Variants in ZBTB20 observed in about 807,000 individuals in gnomAD.
ZBTB20 encodes the protein zinc finger and BTB domain-containing protein 20.
ZBTB20 carries 9 observed loss-of-function variants against 56.9 expected under a neutral mutation model. The observed-to-expected ratio is 0.16, with a 90% CI of 0.10 to 0.28. The LOEUF (loss-of-function observed/expected upper bound fraction) is 0.28. Ranked by LOEUF, ZBTB20 falls within the 10% of genes least tolerant of loss-of-function variation. ZBTB20 has a pLI of 1.00. For synonymous variants in ZBTB20, 417 were observed against 420.7 expected (o/e 0.99, Z 0.11); for missense variants, 655 against 1,003.0 (o/e 0.65, Z 4.69).
chr3:114,557,859 T>C (rs2051454065), intron 6 of ZBTB20, among the ~76,000 whole-genome samples: 1 of 152,054 alleles, frequency 6.6e-6, no homozygotes, highest in South Asian at 2.1e-4. Context: ...ATTATTATTT[T>C]TACACATGGC....
chr3:114,525,901 ACTACACAGAATT>A (rs2047165235), intron 6 of ZBTB20, among the ~76,000 whole-genome samples: 1 of 152,156 alleles, frequency 6.6e-6, no homozygotes, highest in South Asian at 2.1e-4. Flanking sequence ...CCCTATGTCC[ACTACACAGAATT>A]CTACACTCTT....
At chr3:114,684,329 C>G (rs1276426071) in intron 6 of ZBTB20, among the ~76,000 whole-genome samples, 1 of 151,982 alleles carries the variant, frequency 6.6e-6, no homozygotes, top group Admixed American at 6.6e-5. Flanking sequence ...CATAATGGGG[C>G]CTATTGAAAA....
intron 6 of ZBTB20, among the ~76,000 whole-genome samples, chr3:114,512,210 T>C (rs896056309): frequency 6.6e-6 from 1 of 152,082 alleles, no homozygotes; most frequent in African/African-American, 2.4e-5. Flanking sequence ...TTAATAAAAA[T>C]TAGTTGCTTT....
intron 2 of ZBTB20, among the ~76,000 whole-genome samples, chr3:115,065,800 T>C (rs2082186786): frequency 6.6e-6 from 1 of 152,142 alleles, no homozygotes; most frequent in South Asian, 2.1e-4. Context: ...TAAATAGCAA[T>C]CCATACATTT....
chr3:114,454,244 A>G (rs1033100089), intron 7 of ZBTB20, among the ~76,000 whole-genome samples: 1 of 148,664 alleles, frequency 6.7e-6, no homozygotes, highest in African/African-American at 2.5e-5. Flanking sequence ...CATAGGAAGC[A>G]GCGTTTTTTT....
intron 5 of ZBTB20, among the ~76,000 whole-genome samples, chr3:114,796,155 A>G (rs780446895): frequency 3.9e-5 from 6 of 151,982 alleles, no homozygotes; most frequent in Non-Finnish European, 8.8e-5. Flanking sequence ...TGGTAAGTAA[A>G]TTTGATAGTT....
intron 2 of ZBTB20, among the ~76,000 whole-genome samples, chr3:115,067,001 T>C (rs770103424): frequency 8.5e-5 from 13 of 152,106 alleles, no homozygotes; most frequent in Non-Finnish European, 1.8e-4. Flanking sequence ...ATGTTGGTAG[T>C]ACATTAAATT....
chr3:114,522,486 T>G (rs1423202755), intron 6 of ZBTB20, among the ~76,000 whole-genome samples: 1 of 152,086 alleles, frequency 6.6e-6, no homozygotes, highest in Non-Finnish European at 1.5e-5. Context: ...AGCAGAGAAG[T>G]GATGTGGTCT....
chr3:114,738,017 T>C (rs1450044206), intron 5 of ZBTB20, among the ~76,000 whole-genome samples: 1 of 152,116 alleles, frequency 6.6e-6, no homozygotes, highest in African/African-American at 2.4e-5. Flanking sequence ...AATGGGTATT[T>C]GAAAAATAAC....
At chr3:114,660,467 A>G (rs528156691) in intron 6 of ZBTB20, among the ~76,000 whole-genome samples, 15 of 152,314 alleles carry the variant, frequency 9.8e-5, no homozygotes, top group East Asian at 3.9e-4. Flanking sequence ...TCTAGCCACA[A>G]TGGAATTTCC....
At chr3:114,487,008 A>G (rs1379896688) in intron 7 of ZBTB20, among the ~76,000 whole-genome samples, 2 of 152,208 alleles carry the variant, frequency 1.3e-5, no homozygotes. Flanking sequence ...TTATCACTGC[A>G]AAGACTTCTT....
chr3:114,855,384 T>A (rs1287267948), intron 4 of ZBTB20, among the ~76,000 whole-genome samples: 2 of 152,212 alleles, frequency 1.3e-5, no homozygotes, highest in Non-Finnish European at 2.9e-5. Flanking sequence ...TAGCACACAG[T>A]CTCTTATTCT....
intron 6 of ZBTB20, among the ~76,000 whole-genome samples, chr3:114,572,909 C>T (rs908208637): frequency 6.6e-6 from 1 of 152,192 alleles, no homozygotes; most frequent in African/African-American, 2.4e-5. Context: ...TAAATTTTAT[C>T]AGTAGTACTT....
intron 7 of ZBTB20, among the ~76,000 whole-genome samples, chr3:114,428,561 G>A (rs1170322607): frequency 1.3e-5 from 2 of 152,160 alleles, no homozygotes; most frequent in Non-Finnish European, 2.9e-5. Context: ...AGGTCTGGCT[G>A]CCCCCACCAT....
At chr3:114,424,136 G>A (rs958103344) in intron 7 of ZBTB20, among the ~76,000 whole-genome samples, 10 of 152,112 alleles carry the variant, frequency 6.6e-5, no homozygotes, top group Non-Finnish European at 1.3e-4. Context: ...TATTATAATT[G>A]TCACATAACA....
intron 4 of ZBTB20, among the ~76,000 whole-genome samples, chr3:114,867,578 G>A (rs1429991920): frequency 6.6e-6 from 1 of 152,074 alleles, no homozygotes; most frequent in Non-Finnish European, 1.5e-5. Flanking sequence ...CAGGGTTACA[G>A]ACGCACCCCA....
intron 1 of ZBTB20, among the ~76,000 whole-genome samples, chr3:115,080,997 T>C (rs988908551): frequency 2.6e-5 from 4 of 152,082 alleles, no homozygotes; most frequent in Admixed American, 1.3e-4. Flanking sequence ...TAGAAATACA[T>C]CTGACTGTAT....
In ZBTB20 at chr3:114,551,999, C is replaced by T. The variant is rs145061223; in HGVS notation, c.-294-51608G>A. 3.9e-5 allele frequency among the ~76,000 whole-genome samples: 6 copies of T among 152,274 alleles called. No homozygotes were observed. The East Asian group carries it at 1.2e-3, about 29-fold the overall frequency. ...CCCATGTGGGGGGATCACTTGAGGC[C>T]AGGAGTGTGAGACCAGCCTGGACAG... On this transcript the variant is annotated intron_variant, in intron 6 of 11. Transcript: ENST00000675478.
chr3:114,359,825 C>T (rs377633917), intron 10 of ZBTB20, among the ~76,000 whole-genome samples: 5 of 152,254 alleles, frequency 3.3e-5, no homozygotes, highest in African/African-American at 9.6e-5. Flanking sequence ...GCTTAAGAAG[C>T]AATCACAAAT....
Sources: gnomAD v4.1 joint callset for allele counts (sites outside exome capture counted in the v4.1 genomes callset) on GRCh38, gnomAD v4.1.1 for gene constraint, MANE v1.5 for transcripts, NCBI Gene and HGNC (gene_info 2026-07-23, HGNC 2026-07-21) for gene names.